IMMP2L: variants seen among roughly 807,000 people sequenced by gnomAD.
IMMP2L encodes inner mitochondrial membrane peptidase subunit 2.
A neutral mutation model predicts 19.3 loss-of-function variants in IMMP2L; 18 were observed. The ratio of observed to expected loss-of-function variants is 0.93; its 90% CI spans 0.64 to 1.38. The LOEUF (loss-of-function observed/expected upper bound fraction) is 1.38, where lower values mean the gene tolerates loss of function less well. Among genes scored for constraint, IMMP2L ranks in the 40% most tolerant of loss-of-function variants. The pLI, the probability that IMMP2L is intolerant of heterozygous loss-of-function variation, is 0.00. For synonymous variants in IMMP2L, 76 were observed against 73.0 expected (o/e 1.04, Z -0.21); for missense variants, 233 against 218.2 (o/e 1.07, Z -0.43).
chr7:111,078,399 G>A (rs1795591725), intron 3 of IMMP2L, among the ~76,000 whole-genome samples: 1 of 152,050 alleles, frequency 6.6e-6, no homozygotes, highest in Non-Finnish European at 1.5e-5. Flanking sequence ...AAGCAATCCG[G>A]TCCACTGATT....
chr7:110,937,150 A>G (rs1345551676), intron 4 of IMMP2L, among the ~76,000 whole-genome samples: 1 of 152,194 alleles, frequency 6.6e-6, no homozygotes, highest in Non-Finnish European at 1.5e-5. Flanking sequence ...GTGTACATCT[A>G]TGTAACAAAC....
intron 3 of IMMP2L, among the ~76,000 whole-genome samples, chr7:111,337,095 C>G (rs1243665951): frequency 6.6e-6 from 1 of 151,958 alleles, no homozygotes; most frequent in Non-Finnish European, 1.5e-5. Flanking sequence ...TTCAGAAATT[C>G]TGCAAAACTT....
chr7:110,939,438 C>T (rs4730468), intron 4 of IMMP2L, among the ~76,000 whole-genome samples: 95,012 of 148,310 alleles, frequency 0.64, 31,239 homozygotes, highest in African/African-American at 0.78. Flanking sequence ...AGCGAGTACA[C>T]AGGGAATAAA....
At chr7:111,048,257 A>AT (rs1563192264) in intron 3 of IMMP2L, among the ~76,000 whole-genome samples, 4 of 149,374 alleles carry the variant, frequency 2.7e-5, no homozygotes, top group East Asian at 3.9e-4. Context: ...AAAAAAAAAA[A>AT]AAAAAAAAGA....
intron 5 of IMMP2L, among the ~76,000 whole-genome samples, chr7:110,810,879 C>G (rs1801987592): frequency 6.6e-6 from 1 of 152,070 alleles, no homozygotes; most frequent in Admixed American, 6.6e-5. Flanking sequence ...ATTATGGGTG[C>G]CATGACTTGA....
At chr7:111,434,708 C>A (rs1268928191) in intron 3 of IMMP2L, among the ~76,000 whole-genome samples, 1 of 151,646 alleles carries the variant, frequency 6.6e-6, no homozygotes, top group East Asian at 1.9e-4. Context: ...CGCCTTCCAC[C>A]ATGCCCAGCT....
At chr7:110,967,555 A>C in intron 3 of IMMP2L, among the ~76,000 whole-genome samples, 1 of 152,072 alleles carries the variant, frequency 6.6e-6, no homozygotes, top group East Asian at 1.9e-4. Context: ...CACAGAATTA[A>C]AGTAACCTTA....
chr7:111,411,140 A>G lies in IMMP2L; in HGVS notation c.239+76098T>C, dbSNP rs1308881413. Among the ~76,000 whole-genome samples the G allele has an allele frequency of 2.0e-5, 3 of 151,206 alleles. No homozygotes were observed. In the East Asian group the frequency reaches 5.8e-4, roughly 29 times the overall value. ...AGAAAAAAATCTTAAAAGTACCCAG[A>G]AAAAAAGGCACATAATATAGGAGTA... On this transcript the variant is annotated intron_variant, in intron 3 of 5. Transcript: ENST00000405709.
chr7:111,012,707 A>C (rs529331000), intron 3 of IMMP2L, among the ~76,000 whole-genome samples: 4 of 152,282 alleles, frequency 2.6e-5, no homozygotes, highest in Admixed American at 6.6e-5. Flanking sequence ...TGTTTATAGG[A>C]TCACAGAACA....
intron 1 of IMMP2L, among the ~76,000 whole-genome samples, chr7:111,555,508 A>G (rs1791181386): frequency 6.6e-6 from 1 of 152,036 alleles, no homozygotes; most frequent in African/African-American, 2.4e-5. Flanking sequence ...TATTTTCAAC[A>G]TCTCCCTTTC....
At chr7:111,097,958 T>TA (rs1378729660) in intron 3 of IMMP2L, among the ~76,000 whole-genome samples, 1 of 151,686 alleles carries the variant, frequency 6.6e-6, no homozygotes, top group African/African-American at 2.4e-5. Context: ...ACAAAAAAGA[T>TA]AGAGCAAGCG....
intron 3 of IMMP2L, among the ~76,000 whole-genome samples, chr7:111,000,069 G>A (rs1320497604): frequency 2.0e-5 from 3 of 152,104 alleles, no homozygotes; most frequent in Non-Finnish European, 4.4e-5. Context: ...GAGCCATTTT[G>A]TTGTTGTGGT....
At chr7:111,476,840 C>T (rs1191499055) in intron 3 of IMMP2L, among the ~76,000 whole-genome samples, 2 of 152,134 alleles carry the variant, frequency 1.3e-5, no homozygotes, top group Admixed American at 1.3e-4. Context: ...ACTTCCCTAA[C>T]TACTACTTCT....
At chr7:110,941,050 A>T (rs986004240) in intron 4 of IMMP2L, among the ~76,000 whole-genome samples, 4 of 152,210 alleles carry the variant, frequency 2.6e-5, no homozygotes, top group Non-Finnish European at 1.5e-5. Context: ...TGCTCAGCAT[A>T]ATCAGTGATA....
At chr7:111,206,312 T>A (rs1810701625) in intron 3 of IMMP2L, among the ~76,000 whole-genome samples, 1 of 152,144 alleles carries the variant, frequency 6.6e-6, no homozygotes, top group Non-Finnish European at 1.5e-5. Flanking sequence ...TAATATCCCT[T>A]TATACCAGTA....
intron 3 of IMMP2L, among the ~76,000 whole-genome samples, chr7:111,144,594 G>T (rs992579515): frequency 6.6e-6 from 1 of 151,816 alleles, no homozygotes. Flanking sequence ...AAATACTTAC[G>T]CTTATTTAAG....
intron 3 of IMMP2L, among the ~76,000 whole-genome samples, chr7:111,017,087 T>A (rs1250068216): frequency 6.8e-6 from 1 of 147,122 alleles, no homozygotes; most frequent in Non-Finnish European, 1.5e-5. Context: ...ATTTATTTAT[T>A]TATTGAGAAA....
chr7:110,767,315 G>A (rs1041638132), intron 5 of IMMP2L, among the ~76,000 whole-genome samples: 2 of 152,130 alleles, frequency 1.3e-5, no homozygotes, highest in East Asian at 3.9e-4. Flanking sequence ...GAGAAACGAT[G>A]TTCCTAAACC....
intron 3 of IMMP2L, among the ~76,000 whole-genome samples, chr7:111,367,316 C>CA (rs1829864919): frequency 6.6e-6 from 1 of 151,758 alleles, no homozygotes; most frequent in Non-Finnish European, 1.5e-5. Flanking sequence ...CCTCACAATG[C>CA]AAGCACAAAA....
Sources: gnomAD v4.1 joint callset for allele counts (sites outside exome capture counted in the v4.1 genomes callset) on GRCh38, gnomAD v4.1.1 for gene constraint, MANE v1.5 for transcripts, NCBI Gene and HGNC (gene_info 2026-07-23, HGNC 2026-07-21) for gene names.